The following AKAP7 variants were observed in gnomAD, a reference collection of about 807,000 sequenced individuals.
AKAP7 encodes the protein A kinase (PRKA) anchor protein 7.
Under a neutral mutation model 39.5 loss-of-function variants are expected in AKAP7, and 39 were observed. That is an observed-to-expected ratio of 0.99 (90% CI 0.76 to 1.29). The LOEUF is 1.29. Ranked by LOEUF, AKAP7 falls within the 50% of genes most tolerant of loss-of-function variation. AKAP7 has a pLI of 0.00. For missense variants in AKAP7, 414 were observed against 407.7 expected, an observed-to-expected ratio of 1.02 and a Z score of -0.13; for synonymous variants, 140 against 139.1, an observed-to-expected ratio of 1.01 and a Z score of -0.05.
chr6:131,226,322 A>G (rs1045178079), intron 7 of AKAP7, among the ~76,000 whole-genome samples: 2 of 152,154 alleles, frequency 1.3e-5, no homozygotes, highest in Non-Finnish European at 2.9e-5. Context: ...CTTTGGTCGG[A>G]TATGGTGGCA....
chr6:131,206,911 A>G (rs1178976972), intron 6 of AKAP7, among the ~76,000 whole-genome samples: 1 of 152,162 alleles, frequency 6.6e-6, no homozygotes. Flanking sequence ...AAACCATGTT[A>G]AAACTCAGGA....
At position 131,244,743 on chromosome 6, in the gene AKAP7, T is replaced by C. The variant is rs374233277; in HGVS notation, c.850+24935T>C. ...GATTGGTGAAGAATAAGGACTTCTT[T>C]GGTAGCTCTTGGTATCTACTTGTTT... On this transcript the variant is annotated intron_variant, in intron 7 of 7. Transcript: ENST00000431975. 5.6e-4 allele frequency among the ~76,000 whole-genome samples: 86 copies of C among 152,334 alleles called. No homozygotes were observed. In the East Asian group the frequency reaches 0.011, roughly 20 times the overall value.
intron 2 of AKAP7, among the ~76,000 whole-genome samples, 182 bp downstream of exon 2, chr6:131,145,598 G>C (rs1357415537): frequency 6.6e-6 from 1 of 152,026 alleles, no homozygotes; most frequent in African/African-American, 2.4e-5. Flanking sequence ...ATCTAGGCTG[G>C]AGTGGTGTGA....
intron 2 of AKAP7, among the ~76,000 whole-genome samples, chr6:131,149,059 C>A (rs1007708566): frequency 6.6e-6 from 1 of 152,174 alleles, no homozygotes; most frequent in African/African-American, 2.4e-5. Context: ...GAATCCTTGG[C>A]AGTAGGAAAA....
At position 131,282,591 on chromosome 6, in the gene AKAP7, C is replaced by G. The variant is rs1176053515; in HGVS notation, c.*865C>G. On this transcript the variant is annotated 3_prime_UTR_variant, in exon 8 of 8. Coordinates refer to ENST00000431975, the MANE Select transcript of AKAP7 (RefSeq NM_016377.4). Reference sequence around the variant, plus strand: ...TCAGCAAATGACGTTGATTTCAGCACAACTTTGACATAAGCTCTACATTGC... The same window carrying G: ...TCAGCAAATGACGTTGATTTCAGCAGAACTTTGACATAAGCTCTACATTGC... 4.6e-6 allele frequency: 7 copies of G among 1,534,976 alleles called. No homozygotes were observed. Among genetic ancestry groups the G allele is most frequent in the Non-Finnish European group, 5.2e-6 (6 of 1,146,098 alleles).
intron 7 of AKAP7, among the ~76,000 whole-genome samples, chr6:131,237,840 T>A (rs1173011050): frequency 6.6e-6 from 1 of 152,228 alleles, no homozygotes; most frequent in Non-Finnish European, 1.5e-5. Context: ...ATTTTGTTGA[T>A]CTTTTCCAAA....
chr6:131,171,687 A>G (rs930482769), intron 5 of AKAP7, among the ~76,000 whole-genome samples: 5 of 152,186 alleles, frequency 3.3e-5, no homozygotes, highest in African/African-American at 4.8e-5. Context: ...GAGTGCAGAA[A>G]TTTGTAATGG....
chr6:131,153,680 T>TA (rs1219811621), intron 2 of AKAP7, among the ~76,000 whole-genome samples: 1 of 152,160 alleles, frequency 6.6e-6, no homozygotes, highest in Non-Finnish European at 1.5e-5. Flanking sequence ...GTCTTTGAAA[T>TA]ACTGTGTTAA....
rs565805104 is a variant in AKAP7 at position 131,143,916 on chromosome 6, A to C, written c.20-1369A>C. On this transcript the variant is annotated intron_variant, in intron 1 of 7. Coordinates refer to ENST00000431975, the MANE Select transcript of AKAP7 (RefSeq NM_016377.4). ...AGGCAGAGGACCCTGCGGCCTTCCG[A>C]AGTGTTTGTGTCCCTGGGTACTTAA... 2.2e-3 allele frequency among the ~76,000 whole-genome samples: 272 copies of C among 122,252 alleles called. 2 individuals are homozygous for C. The highest frequency in any genetic ancestry group is 7.1e-3 in the African/African-American group (263 of 36,842). The allele number at this position is 122,252 out of a possible 152,430, so 80.2% of individuals were successfully genotyped here.
intron 5 of AKAP7, among the ~76,000 whole-genome samples, chr6:131,197,051 T>A (rs991994333): frequency 6.6e-6 from 1 of 152,152 alleles, no homozygotes; most frequent in Admixed American, 6.6e-5. Context: ...ATAGATCATC[T>A]ATTTTCTTTC....
intron 7 of AKAP7, among the ~76,000 whole-genome samples, chr6:131,229,874 G>T (rs1810495990): frequency 6.6e-6 from 1 of 152,148 alleles, no homozygotes; most frequent in African/African-American, 2.4e-5. Context: ...GGAGATGGGG[G>T]TGATATTAAT....
chr6:131,195,582 T>G (rs1806844214), intron 5 of AKAP7, among the ~76,000 whole-genome samples: 4 of 152,182 alleles, frequency 2.6e-5, no homozygotes. Flanking sequence ...TTCTTTCAGA[T>G]TTTCAGATTG....
At chr6:131,147,875 A>G (rs1801602035) in intron 2 of AKAP7, among the ~76,000 whole-genome samples, 1 of 152,208 alleles carries the variant, frequency 6.6e-6, no homozygotes, top group Non-Finnish European at 1.5e-5. Context: ...TAGCTTACAT[A>G]TATCTAATGT....
chr6:131,153,142 AAAG>A (rs1280893145), intron 2 of AKAP7, among the ~76,000 whole-genome samples: 2 of 151,852 alleles, frequency 1.3e-5, no homozygotes, highest in African/African-American at 4.8e-5. Flanking sequence ...AAAAAAAAAA[AAAG>A]AGAGAGAGAG....
At chr6:131,197,369 A>C (rs1807041380) in intron 5 of AKAP7, among the ~76,000 whole-genome samples, 1 of 152,060 alleles carries the variant, frequency 6.6e-6, no homozygotes, top group African/African-American at 2.4e-5. Context: ...GTATAGCCTA[A>C]ATTTTAATAG....
chr6:131,247,333 T>C (rs1468517381), intron 7 of AKAP7, among the ~76,000 whole-genome samples: 13 of 135,292 alleles, frequency 9.6e-5, no homozygotes, highest in Middle Eastern at 3.9e-3. Flanking sequence ...TTTCTTTTTT[T>C]TTTTTTTTCC....
At chr6:131,258,255 C>G (rs1009092521) in intron 7 of AKAP7, among the ~76,000 whole-genome samples, 1 of 152,172 alleles carries the variant, frequency 6.6e-6, no homozygotes. Context: ...CACATGCTTC[C>G]TACTAATGGA....
At chr6:131,224,985 G>A (rs1810042378) in intron 7 of AKAP7, among the ~76,000 whole-genome samples, 1 of 151,656 alleles carries the variant, frequency 6.6e-6, no homozygotes, top group South Asian at 2.1e-4. Flanking sequence ...TCGAACTCCT[G>A]ACCTCAGGTG....
chr6:131,148,481 G>T (rs371345219), intron 2 of AKAP7, among the ~76,000 whole-genome samples: 1 of 149,388 alleles, frequency 6.7e-6, no homozygotes, highest in Admixed American at 6.7e-5. Context: ...TCCCCCCCCC[G>T]TTTATCTCAT....
Sources: gnomAD v4.1 joint callset for allele counts (sites outside exome capture counted in the v4.1 genomes callset) on GRCh38, gnomAD v4.1.1 for gene constraint, MANE v1.5 for transcripts, NCBI Gene and HGNC (gene_info 2026-07-23, HGNC 2026-07-21) for gene names.